Variants in OR2L5 observed in about 807,000 individuals in gnomAD.
OR2L5 encodes the protein olfactory receptor 2L5.
For synonymous variants in OR2L5, 169 were observed against 142.0 expected (o/e 1.19, Z -1.35); for missense variants, 413 against 381.6 (o/e 1.08, Z -0.69).
rs146833580 is a variant in OR2L5, at chr1:248,014,317, G to A, written c.-22+579G>A. Among the ~76,000 whole-genome samples, 64 of 152,144 alleles carry A rather than the reference G, an allele frequency of 4.2e-4. 1 individual carries two copies. In the East Asian group the frequency reaches 8.9e-3, roughly 21 times the overall value. Reference sequence around the variant, plus strand: ...GTGGTTAAAATTACCAGTCTGTAGAGCAATGATATAGTTTTTAAAATAAAG... The same window carrying A: ...GTGGTTAAAATTACCAGTCTGTAGAACAATGATATAGTTTTTAAAATAAAG... On this transcript the variant is annotated intron_variant, in intron 1 of 1. Coordinates refer to ENST00000355281, the MANE Select transcript of OR2L5 (RefSeq NM_001258284.2).
At position 248,022,929 on chromosome 1, in the gene OR2L5, A is replaced by C. The variant is rs764369915; in HGVS notation, c.*43A>C. 6.4e-5 allele frequency: 99 copies of C among 1,538,550 alleles called. No homozygotes were observed. Among genetic ancestry groups the C allele is most frequent in the Non-Finnish European group, 8.5e-5 (97 of 1,136,668 alleles). On this transcript the variant is annotated 3_prime_UTR_variant, in exon 2 of 2. Coordinates refer to ENST00000355281, the MANE Select transcript of OR2L5 (RefSeq NM_001258284.2). ...GAGTCAAAGCGCTAGGTTCATATCA[A>C]CTCAGCAGTGTACAGCAGTGAAGAA... is the stretch of plus-strand genomic sequence containing the variant.
rs115048238 is a variant in OR2L5 at position 248,017,506 on chromosome 1, A to C, written c.-22+3768A>C. 2.7e-3 allele frequency among the ~76,000 whole-genome samples: 411 copies of C among 152,340 alleles called. 1 individual carries two copies. Among genetic ancestry groups the C allele is most frequent in the African/African-American group, 9.2e-3 (383 of 41,584 alleles). The stretch of plus-strand genomic sequence containing the variant: ...CTTGCAAAGTCATGTTAACAAGAGC[A>C]AGGTCTGGTAGAAAGAGACTTTTTC... On this transcript the variant is annotated intron_variant, in intron 1 of 1. Coordinates refer to ENST00000355281, the MANE Select transcript of OR2L5 (RefSeq NM_001258284.2).
At chr1:248,018,055 T>C (rs1292729412) in intron 1 of OR2L5, among the ~76,000 whole-genome samples, 2 of 151,492 alleles carry the variant, frequency 1.3e-5, no homozygotes, top group Non-Finnish European at 2.9e-5. Flanking sequence ...CTTGGGAGGC[T>C]GAGGCAGGAG....
At chr1:248,017,629 G>T (rs1344512820) in intron 1 of OR2L5, among the ~76,000 whole-genome samples, 1 of 152,130 alleles carries the variant, frequency 6.6e-6, no homozygotes, top group African/African-American at 2.4e-5. Flanking sequence ...ATGGGGTCTT[G>T]GCGTGAATGA....
chr1:248,022,210 A>G lies in OR2L5; in HGVS notation c.263A>G (p.Asn88Ser), dbSNP rs74976285. The change falls in exon 2 of 2, where the codon AAC (asparagine) becomes AGC (serine). Residue 88 changes from asparagine (N) to serine (S), a missense_variant. Transcript: ENST00000355281. ...PKMASDFLYG[N>S]KSISFIGCGI... ...ATGGCTTCTGATTTTCTGTATGGAA[A>G]CAAGTCTATCTCCTTCATTGGGTGT... 6.2e-7 allele frequency: 1 copy of G among 1,614,116 alleles called. No individual in the cohort carries two copies. The highest frequency in any genetic ancestry group is 8.5e-7 in the Non-Finnish European group (1 of 1,180,006).
chr1:248,019,017 C>T (rs115579502), intron 1 of OR2L5, among the ~76,000 whole-genome samples: 2,383 of 152,138 alleles, frequency 0.016, 22 homozygotes, highest in Non-Finnish European at 0.021. Context: ...TGTATGTACT[C>T]ACTACATTTT....
intron 1 of OR2L5, among the ~76,000 whole-genome samples, chr1:248,020,109 T>A (rs1241694587): frequency 1.3e-5 from 2 of 152,160 alleles, no homozygotes; most frequent in African/African-American, 4.8e-5. Context: ...GGTATACATG[T>A]CTGGCTTTAT....
Position 248,023,008 on chromosome 1 carries a change from C to T in OR2L5, c.*122C>T. The T allele has an allele frequency of 1.1e-6, 1 of 946,002 alleles. No individual in the cohort carries two copies. The highest frequency in any genetic ancestry group is 1.5e-6 in the Non-Finnish European group (1 of 645,646). 58.6% of individuals were successfully genotyped at this position (946,002 alleles called of 1,614,324 possible). A position where few individuals can be genotyped will look rare whatever the true frequency, so the allele number is the denominator to read the frequency against. On this transcript the variant is annotated 3_prime_UTR_variant, in exon 2 of 2. Transcript: ENST00000355281. Reference sequence around the variant, plus strand: ...ACAGAGATTAATCCAGAATGTTTGTCTTTTAATTTAGTCTTGACATTATAG... The same window carrying T: ...ACAGAGATTAATCCAGAATGTTTGTTTTTTAATTTAGTCTTGACATTATAG...
In OR2L5 at chr1:248,022,354, G is replaced by T. The variant is rs772890722; in HGVS notation, c.407G>T (p.Ser136Ile). 1.2e-6 allele frequency: 2 copies of T among 1,614,152 alleles called. No homozygotes were observed. The highest frequency in any genetic ancestry group is 1.7e-6 in the Non-Finnish European group (2 of 1,180,044). The change falls in exon 2 of 2, where the codon AGC (serine) becomes ATC (isoleucine). Residue 136 changes from serine (S) to isoleucine (I), a missense_variant. Coordinates refer to ENST00000355281, the MANE Select transcript of OR2L5 (RefSeq NM_001258284.2). ...CCTCTCCACTATCCCATCCGTATGA[G>T]CAAAAGAATGTATGTGCTGATGATA... ...CFPLHYPIRM[S>I]KRMYVLMITG...
At chr1:248,015,832 G>A (rs754049682) in intron 1 of OR2L5, among the ~76,000 whole-genome samples, 8 of 152,104 alleles carry the variant, frequency 5.3e-5, no homozygotes, top group Non-Finnish European at 1.0e-4. Flanking sequence ...AACTTTAAGA[G>A]GAACAGCCAT....
Position 248,023,225 on chromosome 1 carries a change from A to G in OR2L5, c.*339A>G, listed in dbSNP as rs766346693. 1.5e-4 allele frequency: 24 copies of G among 162,044 alleles called. No individual in the cohort carries two copies. Among genetic ancestry groups the G allele is most frequent in the Non-Finnish European group, 3.1e-4 (23 of 74,044 alleles). The allele number at this position is 162,044 out of a possible 1,614,324, so 10.0% of individuals were successfully genotyped here. A position where few individuals can be genotyped will look rare whatever the true frequency, so the allele number is the denominator to read the frequency against. ...GTTAATTGTTTCCCATTATTATTAA[A>G]ATAAGACAAAATAACAAATTATTTA... On this transcript the variant is annotated 3_prime_UTR_variant, in exon 2 of 2. Coordinates refer to ENST00000355281, the MANE Select transcript of OR2L5 (RefSeq NM_001258284.2).
chr1:248,018,764 TC>T (rs1028334243), intron 1 of OR2L5, among the ~76,000 whole-genome samples: 1 of 152,214 alleles, frequency 6.6e-6, no homozygotes, highest in Non-Finnish European at 1.5e-5. Context: ...AGTTTCATTT[TC>T]TCCAACTAAA....
rs556091304 is a variant in OR2L5 at position 248,022,790 on chromosome 1, C to T, written c.843C>T (p.Thr281=). The part of the protein sequence containing the change: ...KVLAVFYTIL[T]PMLNPIIYSL... ...TGGCTGTTTTCTACACCATCCTCAC[C>T]CCAATGCTCAACCCCATCATCTACA... The change falls in exon 2 of 2, where the codon ACC becomes ACT. Residue 281 remains threonine (T), a synonymous_variant. Coordinates refer to ENST00000355281, the MANE Select transcript of OR2L5 (RefSeq NM_001258284.2). 1.3e-4 allele frequency: 203 copies of T among 1,613,896 alleles called. 3 individuals carry two copies. In the South Asian group the frequency reaches 2.0e-3, roughly 16 times the overall value.
Position 248,022,389 on chromosome 1 carries a change from T to C in OR2L5, c.442T>C (p.Trp148Arg). The stretch of plus-strand genomic sequence containing the variant: ...GTATGTGCTGATGATAACAGGATCT[T>C]GGATGATAGGCTCCATCAACTCTTG... ...RMYVLMITGS[W>R]MIGSINSCAH... Residue 148 changes from tryptophan (W) to arginine (R), a missense_variant, in exon 2 of 2, where the codon TGG (tryptophan) becomes CGG (arginine). By Grantham distance (101) the Trp-to-Arg change is moderately radical (BLOSUM62 -3). Transcript: ENST00000355281. 6.2e-7 allele frequency: 1 copy of C among 1,614,186 alleles called. No individual in the cohort carries two copies. Among genetic ancestry groups the C allele is most frequent in the Non-Finnish European group, 8.5e-7 (1 of 1,180,022 alleles).
intron 1 of OR2L5, among the ~76,000 whole-genome samples, chr1:248,015,579 G>T (rs1662177622): frequency 6.6e-6 from 1 of 152,116 alleles, no homozygotes; most frequent in Admixed American, 6.6e-5. Context: ...TAGTAAGAAA[G>T]ATCACTTTCT....
At chr1:248,018,138 G>C (rs959492993) in intron 1 of OR2L5, among the ~76,000 whole-genome samples, 2 of 146,746 alleles carry the variant, frequency 1.4e-5, no homozygotes, top group East Asian at 4.0e-4. Flanking sequence ...CTAGGCGACA[G>C]AGCGACTCCA....
intron 1 of OR2L5, among the ~76,000 whole-genome samples, chr1:248,016,715 T>C (rs1383186010): frequency 6.6e-6 from 1 of 151,918 alleles, no homozygotes; most frequent in Non-Finnish European, 1.5e-5. Flanking sequence ...TATAAATGTA[T>C]ATTTATATAT....
chr1:248,018,848 G>A (rs1662270097), intron 1 of OR2L5, among the ~76,000 whole-genome samples: 1 of 152,032 alleles, frequency 6.6e-6, no homozygotes. Flanking sequence ...TCCACTTTAT[G>A]TCTCTATGAA....
chr1:248,024,011 ATATTTT>A lies in OR2L5; in HGVS notation c.*1137_*1142del, dbSNP rs1431779358. 1 of 152,102 alleles carries A rather than the reference ATATTTT, an allele frequency of 6.6e-6. No homozygotes were observed. The highest frequency in any genetic ancestry group is 2.4e-5 in the African/African-American group (1 of 41,414). The allele number at this position is 152,102 out of a possible 1,614,324, so 9.4% of individuals were successfully genotyped here. On this transcript the variant is annotated 3_prime_UTR_variant, in exon 2 of 2. Transcript: ENST00000355281. The stretch of plus-strand genomic sequence containing the variant: ...GAATAACATCATGTGATCAGAAAAT[ATATTTT>A]TATTTTTATTTGTTATTAATTTTAT...
Sources: allele counts gnomAD v4.1 joint callset (sites outside exome capture counted in the v4.1 genomes callset), GRCh38; gene constraint gnomAD v4.1.1; transcripts MANE v1.5; gene names NCBI Gene and HGNC (gene_info 2026-07-23, HGNC 2026-07-21).